The following GPR149 variants were observed in gnomAD, a reference collection of about 807,000 sequenced individuals.
The protein encoded by GPR149 is probable G protein-coupled receptor 149.
Under a neutral mutation model 50.2 loss-of-function variants are expected in GPR149, and 50 were observed. The observed-to-expected ratio is 1.00, with a 90% CI of 0.79 to 1.26. GPR149 has a LOEUF of 1.26. GPR149 is among the 50% of genes most tolerant of loss of function. The pLI, the probability that GPR149 is intolerant of heterozygous loss-of-function variation, is 0.00. For missense variants in GPR149, 983 were observed against 895.4 expected, an observed-to-expected ratio of 1.10 and a Z score of -1.25; for synonymous variants, 405 against 358.2, an observed-to-expected ratio of 1.13 and a Z score of -1.48.
intron 3 of GPR149, chr3:154,354,364 T>A (rs1341046267): frequency 8.9e-6 from 2 of 225,084 alleles, no homozygotes; most frequent in Non-Finnish European, 1.8e-5. Context: ...CTCTTAGTGA[T>A]AAGGTCAGGG....
chr3:154,359,156 T>A (rs1483329610), intron 3 of GPR149, among the ~76,000 whole-genome samples: 1 of 152,162 alleles, frequency 6.6e-6, no homozygotes, highest in Non-Finnish European at 1.5e-5. Flanking sequence ...CTTTAGAAAA[T>A]TCTGTGATAC....
Position 154,428,900 on chromosome 3 carries a change from G to A in GPR149, c.716C>T (p.Pro239Leu), listed in dbSNP as rs1712395503. The A allele has an allele frequency of 3.7e-6, 6 of 1,614,090 alleles. No individual in the cohort carries two copies. Among genetic ancestry groups the A allele is most frequent in the East Asian group, 2.2e-5 (1 of 44,866 alleles). Reference protein sequence around the residue: ...YQEISRGASIPGTPPTAGRVV... With the variant: ...YQEISRGASILGTPPTAGRVV... ...TCTCCCCGCAGTAGGAGGGGTCCCA[G>A]GAATTGAAGCTCCACGGGAAATTTC... Residue 239 changes from proline (P) to leucine (L), a missense_variant, in exon 1 of 4, where the codon CCT becomes CTT. Coordinates refer to ENST00000389740, the MANE Select transcript of GPR149 (RefSeq NM_001038705.3).
At chr3:154,386,973 CT>C (rs34303487) in intron 3 of GPR149, among the ~76,000 whole-genome samples, 115,114 of 151,664 alleles carry the variant, frequency 0.76, 44,955 homozygotes, top group Middle Eastern at 0.91. Context: ...TATTTTTCTC[CT>C]TTTTTTTTCC....
At chr3:154,412,187 G>A (rs550381855) in intron 3 of GPR149, among the ~76,000 whole-genome samples, 1 of 152,150 alleles carries the variant, frequency 6.6e-6, no homozygotes, top group Non-Finnish European at 1.5e-5. Flanking sequence ...AATCAGCATA[G>A]AAGGGACATA....
chr3:154,400,393 A>G (rs867366288), intron 3 of GPR149, among the ~76,000 whole-genome samples: 18 of 152,228 alleles, frequency 1.2e-4, no homozygotes, highest in African/African-American at 4.3e-4. Context: ...AATATTTCAT[A>G]TAATATGTAG....
intron 3 of GPR149, among the ~76,000 whole-genome samples, chr3:154,382,497 C>T (rs1714949607): frequency 6.6e-6 from 1 of 152,154 alleles, no homozygotes; most frequent in South Asian, 2.1e-4. Flanking sequence ...AAAGCTAATT[C>T]ACTAAAGGGT....
Position 154,380,317 on chromosome 3 carries a change from G to A in GPR149, c.1623+40722C>T, listed in dbSNP as rs534452442. Reference sequence around the variant, plus strand: ...GAAAGTTAACTGCATGCATTGTATCGCACAGCAGAAACCCTCAAAATCAAA... The same window carrying A: ...GAAAGTTAACTGCATGCATTGTATCACACAGCAGAAACCCTCAAAATCAAA... On this transcript the variant is annotated intron_variant, in intron 3 of 3. Transcript: ENST00000389740. 2.0e-3 allele frequency among the ~76,000 whole-genome samples: 297 copies of A among 151,988 alleles called. 1 individual carries two copies. Among genetic ancestry groups the A allele is most frequent in the African/African-American group, 6.7e-3 (277 of 41,450 alleles).
intron 3 of GPR149, among the ~76,000 whole-genome samples, chr3:154,403,294 CA>C (rs1284111721): frequency 6.6e-6 from 1 of 152,064 alleles, no homozygotes; most frequent in East Asian, 1.9e-4. Flanking sequence ...TTAAAGGAAG[CA>C]GGATGAAATT....
chr3:154,426,538 C>T (rs1236374911), intron 2 of GPR149, among the ~76,000 whole-genome samples: 1 of 152,196 alleles, frequency 6.6e-6, no homozygotes, highest in Non-Finnish European at 1.5e-5. Flanking sequence ...GCAGCATACA[C>T]TAATGCATTC....
chr3:154,422,469 C>T (rs1171904161), intron 2 of GPR149, among the ~76,000 whole-genome samples: 1 of 151,482 alleles, frequency 6.6e-6, no homozygotes, highest in African/African-American at 2.4e-5. Context: ...ACTTTGATAG[C>T]TCTGTGTTTT....
At chr3:154,421,509 A>T in intron 2 of GPR149, 22 bp from the exon 3 acceptor site, 1 of 1,323,110 alleles carries the variant, frequency 7.6e-7, no homozygotes, top group African/African-American at 1.5e-5. Flanking sequence ...TAAAAACAAC[A>T]GTTTATGGCT....
In GPR149 at chr3:154,429,793, A is replaced by G. The variant is rs775122781; in HGVS notation, c.-178T>C. 34 of 460,926 alleles carry G rather than the reference A, an allele frequency of 7.4e-5. No homozygotes were observed. The highest frequency in any genetic ancestry group is 1.1e-4 in the Non-Finnish European group (29 of 265,280). 28.6% of individuals were successfully genotyped at this position (460,926 alleles called of 1,614,324 possible). A position where few individuals can be genotyped will look rare whatever the true frequency, so the allele number is the denominator to read the frequency against. On this transcript the variant is annotated 5_prime_UTR_variant, in exon 1 of 4. Coordinates refer to ENST00000389740, the MANE Select transcript of GPR149 (RefSeq NM_001038705.3). ...CTCCTTTAGATCTGACTCAAGCTAT[A>G]TTTAAAAATTAGGTTCCATTTCAAG...
chr3:154,342,240 A>G (rs926434480), intron 3 of GPR149, among the ~76,000 whole-genome samples: 1 of 152,170 alleles, frequency 6.6e-6, no homozygotes, highest in African/African-American at 2.4e-5. Context: ...TCAGAAGGAT[A>G]TATTTGTAGT....
chr3:154,427,225 T>G (rs899996116), intron 2 of GPR149, among the ~76,000 whole-genome samples: 1 of 152,162 alleles, frequency 6.6e-6, no homozygotes, highest in East Asian at 1.9e-4. Context: ...TAAGTGCCTT[T>G]GTTGACATGG....
chr3:154,401,760 A>G (rs1483915609), intron 3 of GPR149, among the ~76,000 whole-genome samples: 1 of 152,234 alleles, frequency 6.6e-6, no homozygotes, highest in Non-Finnish European at 1.5e-5. Context: ...TTCATCTTTA[A>G]AATTAGTGCA....
intron 3 of GPR149, among the ~76,000 whole-genome samples, chr3:154,359,011 A>G (rs1388398305): frequency 6.6e-6 from 1 of 152,206 alleles, no homozygotes; most frequent in African/African-American, 2.4e-5. Flanking sequence ...TGACTTCTAT[A>G]TCACTATAAC....
chr3:154,408,941 A>G (rs1711764711), intron 3 of GPR149, among the ~76,000 whole-genome samples: 1 of 152,270 alleles, frequency 6.6e-6, no homozygotes, highest in Admixed American at 6.5e-5. Context: ...AGCACACTGA[A>G]CAAAAACACA....
chr3:154,426,482 T>C (rs1250551796), intron 2 of GPR149, among the ~76,000 whole-genome samples: 2 of 152,208 alleles, frequency 1.3e-5, no homozygotes, highest in Non-Finnish European at 2.9e-5. Context: ...TAAAGAATAA[T>C]ATACTTGCAT....
chr3:154,342,930 ATGTT>A (rs1435321616), intron 3 of GPR149, among the ~76,000 whole-genome samples: 3 of 152,190 alleles, frequency 2.0e-5, no homozygotes, highest in African/African-American at 7.2e-5. Flanking sequence ...GAACATCATA[ATGTT>A]TGTTTATTTC....
Sources: gnomAD v4.1 joint callset for allele counts (sites outside exome capture counted in the v4.1 genomes callset) on GRCh38, gnomAD v4.1.1 for gene constraint, MANE v1.5 for transcripts, NCBI Gene and HGNC (gene_info 2026-07-23, HGNC 2026-07-21) for gene names.